DSE: variants seen among roughly 807,000 people sequenced by gnomAD.
DSE encodes the protein dermatan-sulfate epimerase.
A neutral mutation model predicts 84.4 loss-of-function variants in DSE; 36 were observed. The observed-to-expected ratio is 0.43, with a 90% CI of 0.33 to 0.56. The LOEUF is 0.56. Among genes scored for constraint, DSE ranks in the 20% least tolerant of loss-of-function variants. DSE has a pLI of 0.06. For synonymous variants in DSE, 410 were observed against 430.1 expected (o/e 0.95, Z 0.58); for missense variants, 862 against 1,169.6 (o/e 0.74, Z 3.84).
exon 2 of DSE, chr6:116,258,722 C>T (rs781195446): frequency 2.7e-5 from 43 of 1,606,526 alleles, no homozygotes; most frequent in South Asian, 6.6e-5. Flanking sequence ...CTCACAGTCC[C>T]GGCGCACCCA....
chr6:116,295,933 G>A (rs1474350128), intron 2 of DSE, among the ~76,000 whole-genome samples: 1 of 152,032 alleles, frequency 6.6e-6, no homozygotes, highest in African/African-American at 2.4e-5. Flanking sequence ...TAATAAACTA[G>A]GCATATTGGA....
intron 2 of DSE, among the ~76,000 whole-genome samples, chr6:116,317,648 A>G (rs935946374): frequency 2.0e-5 from 3 of 152,262 alleles, no homozygotes; most frequent in African/African-American, 7.2e-5. Context: ...GTACATACAA[A>G]TACACACATA....
chr6:116,411,314 C>G (rs1782338999), intron 2 of DSE, among the ~76,000 whole-genome samples: 1 of 152,144 alleles, frequency 6.6e-6, no homozygotes, highest in Non-Finnish European at 1.5e-5. Context: ...TATCCTGCTA[C>G]AATAAATAAA....
chr6:116,337,981 A>G (rs990307792), intron 2 of DSE, among the ~76,000 whole-genome samples: 3 of 152,150 alleles, frequency 2.0e-5, no homozygotes, highest in African/African-American at 4.8e-5. Context: ...TATGAAGACT[A>G]TAACTTCAGA....
chr6:116,308,638 A>G (rs9481623), intron 2 of DSE, among the ~76,000 whole-genome samples: 10,598 of 152,170 alleles, frequency 0.07, 780 homozygotes, highest in African/African-American at 0.18. Flanking sequence ...CCTTCTATAA[A>G]ATGGTGATAA....
chr6:116,324,458 C>T (rs1299812618), intron 2 of DSE, among the ~76,000 whole-genome samples: 3 of 152,210 alleles, frequency 2.0e-5, no homozygotes, highest in South Asian at 4.1e-4. Flanking sequence ...AATCCCAACT[C>T]CACCCCCTTG....
intron 2 of DSE, among the ~76,000 whole-genome samples, chr6:116,363,247 A>G (rs1434242435): frequency 8.6e-5 from 13 of 151,648 alleles, no homozygotes; most frequent in Admixed American, 8.5e-4. Flanking sequence ...ATATATATAC[A>G]CACACACATA....
chr6:116,343,897 T>G (rs775887522), intron 2 of DSE, among the ~76,000 whole-genome samples: 1 of 152,134 alleles, frequency 6.6e-6, no homozygotes. Context: ...GAAAAAAGAT[T>G]AGATGAGTGG....
chr6:116,377,677 TACTC>T (rs1221109500), intron 1 of DSE, among the ~76,000 whole-genome samples: 2 of 152,120 alleles, frequency 1.3e-5, no homozygotes, highest in African/African-American at 2.4e-5. Context: ...CAGTGACAAA[TACTC>T]AGGAATTTCA....
At chr6:116,365,474 C>T (rs184691410), upstream of DSE, among the ~76,000 whole-genome samples, 62 of 151,628 alleles carry the variant, frequency 4.1e-4, no homozygotes, top group South Asian at 8.4e-4. Flanking sequence ...AGGATGGTCT[C>T]GATCTCCTGA....
intron 2 of DSE, among the ~76,000 whole-genome samples, chr6:116,322,235 G>A (rs147998369): frequency 0.011 from 1,700 of 152,112 alleles, 29 homozygotes; most frequent in African/African-American, 0.039. Context: ...TAACATAACC[G>A]ATTAGGTCGG....
chr6:116,284,341 C>T (rs1290370695), intron 2 of DSE, among the ~76,000 whole-genome samples: 1 of 152,098 alleles, frequency 6.6e-6, no homozygotes, highest in Non-Finnish European at 1.5e-5. Context: ...ATAAGAACCC[C>T]ATGAGGTAAT....
intron 2 of DSE, chr6:116,279,756 C>A (rs765670388): frequency 6.2e-7 from 1 of 1,612,250 alleles, no homozygotes; most frequent in South Asian, 1.1e-5. Flanking sequence ...CCTGGTCGCT[C>A]GGGACTTGGT....
chr6:116,278,559 C>T (rs1340243872), intron 2 of DSE: 1 of 1,614,194 alleles, frequency 6.2e-7, no homozygotes. Flanking sequence ...TCTCTACAGG[C>T]TCCCTTAGCG....
At chr6:116,374,237 G>A (rs1779785505) in intron 1 of DSE, among the ~76,000 whole-genome samples, 1 of 152,120 alleles carries the variant, frequency 6.6e-6, no homozygotes. Context: ...ATAACCATTA[G>A]CATACTTGAA....
At chr6:116,327,444 A>G (rs1379094780) in intron 2 of DSE, among the ~76,000 whole-genome samples, 1 of 152,192 alleles carries the variant, frequency 6.6e-6, no homozygotes, top group Non-Finnish European at 1.5e-5. Flanking sequence ...GGATAATCAT[A>G]ACTTTAACCC....
intron 2 of DSE, among the ~76,000 whole-genome samples, chr6:116,327,071 T>A (rs1403090019): frequency 1.3e-5 from 2 of 152,170 alleles, no homozygotes; most frequent in African/African-American, 4.8e-5. Context: ...TGGATGGCTT[T>A]CTCCTAGAGG....
chr6:116,358,812 T>G (rs1311612966), intron 2 of DSE, among the ~76,000 whole-genome samples: 1 of 152,216 alleles, frequency 6.6e-6, no homozygotes, highest in Non-Finnish European at 1.5e-5. Flanking sequence ...TGCCTTTTGT[T>G]TGGCTAAAGC....
In DSE at chr6:116,435,780, G is replaced by C. The variant is rs768202990; in HGVS notation, c.1312G>C (p.Asp438His). The C allele has an allele frequency of 7.4e-6, 12 of 1,614,006 alleles. No homozygotes were observed. The East Asian group carries it at 2.5e-4, about 33-fold the overall frequency. The stretch of plus-strand genomic sequence containing the variant: ...CATTGTCCACAGAAACAAATACAAA[G>C]ATTGGATCAAAGGATGGAGAAATTT... ...YDIVHRNKYK[D>H]WIKGWRNFNA... is the part of the protein sequence containing the mutation. Residue 438 changes from aspartate (D) to histidine (H), a missense_variant, in exon 6 of 6, where the codon GAT (aspartate) becomes CAT (histidine). Transcript: ENST00000644252.
Sources: gnomAD v4.1 joint callset for allele counts (sites outside exome capture counted in the v4.1 genomes callset) on GRCh38, gnomAD v4.1.1 for gene constraint, MANE v1.5 for transcripts, NCBI Gene and HGNC (gene_info 2026-07-23, HGNC 2026-07-21) for gene names.